Variants in CTNND2 observed in about 807,000 individuals in gnomAD.
CTNND2 encodes catenin delta 2.
Under a neutral mutation model 144.4 loss-of-function variants are expected in CTNND2, and 22 were observed. The ratio of observed to expected loss-of-function variants is 0.15; its 90% CI spans 0.11 to 0.22. CTNND2 has a LOEUF of 0.22. CTNND2 is among the 10% of genes least tolerant of loss of function. The pLI, the probability that CTNND2 is intolerant of heterozygous loss-of-function variation, is 1.00. For missense variants in CTNND2, 1,353 were observed against 1,618.8 expected (o/e 0.84, Z 2.82); for synonymous variants, 751 against 695.6 (o/e 1.08, Z -1.25).
chr5:11,810,483 AGT>A (rs10538056), intron 1 of CTNND2, among the ~76,000 whole-genome samples: 131,313 of 152,084 alleles, frequency 0.86, 58,919 homozygotes, highest in Non-Finnish European at 0.99. Flanking sequence ...GTGAAAATTA[AGT>A]GTGCATTGCA....
chr5:11,832,852 G>A (rs1793980221), intron 1 of CTNND2, among the ~76,000 whole-genome samples: 1 of 152,152 alleles, frequency 6.6e-6, no homozygotes, highest in South Asian at 2.1e-4. Context: ...GAGGCAGGAG[G>A]ACTGCTTGAG....
chr5:11,536,868 C>T (rs920433773), intron 3 of CTNND2, among the ~76,000 whole-genome samples: 1 of 151,874 alleles, frequency 6.6e-6, no homozygotes, highest in Non-Finnish European at 1.5e-5. Flanking sequence ...CCCTAGAAAC[C>T]TATTGAAATA....
chr5:11,733,811 T>C (rs896681497), intron 1 of CTNND2, among the ~76,000 whole-genome samples: 2 of 152,208 alleles, frequency 1.3e-5, no homozygotes, highest in South Asian at 2.1e-4. Context: ...TGGATGCATA[T>C]GTACAGGTTA....
At chr5:11,622,741 G>A (rs145283517) in intron 2 of CTNND2, among the ~76,000 whole-genome samples, 9 of 152,070 alleles carry the variant, frequency 5.9e-5, no homozygotes, top group African/African-American at 2.2e-4. Context: ...AATATATTCT[G>A]AAGTATTCAT....
chr5:11,708,940 T>C (rs746224914), intron 2 of CTNND2, among the ~76,000 whole-genome samples: 2 of 152,182 alleles, frequency 1.3e-5, no homozygotes, highest in Non-Finnish European at 2.9e-5. Flanking sequence ...CTGTCTCCTT[T>C]CACCTAACAT....
At chr5:11,494,017 A>C (rs1223757690) in intron 3 of CTNND2, among the ~76,000 whole-genome samples, 1 of 152,198 alleles carries the variant, frequency 6.6e-6, no homozygotes. Context: ...GTGATTAAAA[A>C]ATCTTTTTAT....
chr5:11,054,844 G>A (rs1580155735), intron 16 of CTNND2, among the ~76,000 whole-genome samples: 1 of 152,126 alleles, frequency 6.6e-6, no homozygotes, highest in Admixed American at 6.5e-5. Context: ...TTCCACGCTT[G>A]TGTTTATATA....
intron 16 of CTNND2, among the ~76,000 whole-genome samples, chr5:11,062,032 T>G (rs180703677): frequency 6.6e-6 from 1 of 152,268 alleles, no homozygotes; most frequent in Admixed American, 6.5e-5. Context: ...TTGAGACTAT[T>G]TTCACCACTA....
chr5:11,273,311 A>G (rs1307881044), intron 9 of CTNND2, among the ~76,000 whole-genome samples: 1 of 152,160 alleles, frequency 6.6e-6, no homozygotes, highest in Admixed American at 6.6e-5. Flanking sequence ...CTCAACCTCA[A>G]CACACCCTGA....
intron 9 of CTNND2, among the ~76,000 whole-genome samples, chr5:11,282,317 G>A (rs1222972070): frequency 4.6e-5 from 7 of 152,168 alleles, no homozygotes; most frequent in Admixed American, 2.6e-4. Flanking sequence ...AAATAATTAC[G>A]AGTTTTTAAG....
intron 11 of CTNND2, among the ~76,000 whole-genome samples, chr5:11,161,236 A>G (rs1407171865): frequency 6.6e-6 from 1 of 152,240 alleles, no homozygotes; most frequent in Admixed American, 6.5e-5. Flanking sequence ...CAGAGACTGT[A>G]CAGCCCACAA....
intron 3 of CTNND2, among the ~76,000 whole-genome samples, chr5:11,557,136 C>T (rs929019657): frequency 3.9e-5 from 6 of 152,068 alleles, no homozygotes; most frequent in Non-Finnish European, 7.4e-5. Flanking sequence ...AATAATTCAG[C>T]TTTTTGTAAT....
chr5:11,451,741 G>A lies in CTNND2; in HGVS notation c.288-39672C>T, dbSNP rs527553238. On this transcript the variant is annotated intron_variant, in intron 3 of 21. Transcript: ENST00000304623. ...TTCAATATTACTATTTACATAATTC[G>A]CACGTTCAAGATCTGTTTGCTAAAT... Among the ~76,000 whole-genome samples the A allele has an allele frequency of 6.6e-5, 10 of 152,132 alleles. No homozygotes were observed. In the South Asian group the frequency reaches 8.3e-4, roughly 13 times the overall value.
At chr5:11,483,699 T>C (rs577791065) in intron 3 of CTNND2, among the ~76,000 whole-genome samples, 1 of 152,212 alleles carries the variant, frequency 6.6e-6, no homozygotes, top group Non-Finnish European at 1.5e-5. Flanking sequence ...GGTTCAGTGA[T>C]GCATGTTTTT....
intron 1 of CTNND2, among the ~76,000 whole-genome samples, chr5:11,758,148 G>A (rs1241704554): frequency 2.6e-5 from 4 of 151,692 alleles, no homozygotes; most frequent in Admixed American, 6.6e-5. Flanking sequence ...TCACTTAGAC[G>A]GTAATTACTT....
At chr5:11,403,429 G>T (rs981251391) in intron 5 of CTNND2, among the ~76,000 whole-genome samples, 1 of 152,150 alleles carries the variant, frequency 6.6e-6, no homozygotes, top group Non-Finnish European at 1.5e-5. Context: ...TTACAATGGT[G>T]TAAAATGGAA....
At chr5:11,158,683 A>C (rs1270089721) in intron 12 of CTNND2, among the ~76,000 whole-genome samples, 4 of 152,146 alleles carry the variant, frequency 2.6e-5, no homozygotes, top group Non-Finnish European at 5.9e-5. Flanking sequence ...CTCAGTAGAG[A>C]CTGGTTGTTA....
Position 11,582,340 on chromosome 5 carries a change from G to T in CTNND2, c.175-17284C>A, listed in dbSNP as rs539520635. Among the ~76,000 whole-genome samples the T allele has an allele frequency of 3.3e-5, 5 of 152,310 alleles. 1 individual carries two copies. In the East Asian group the frequency reaches 7.7e-4, roughly 24 times the overall value. On this transcript the variant is annotated intron_variant, in intron 2 of 21. Transcript: ENST00000304623. ...ATGAAATGAAATAAAGTTCACATCA[G>T]AGTGGGACCTGATTCTATTCCATTG...
intron 2 of CTNND2, among the ~76,000 whole-genome samples, chr5:11,707,202 A>G (rs981350627): frequency 1.3e-5 from 2 of 152,126 alleles, no homozygotes; most frequent in Non-Finnish European, 2.9e-5. Context: ...ATGTATCAGT[A>G]ATTAGTTTTT....
Sources: gnomAD v4.1 joint callset for allele counts (sites outside exome capture counted in the v4.1 genomes callset) on GRCh38, gnomAD v4.1.1 for gene constraint, MANE v1.5 for transcripts, NCBI Gene and HGNC (gene_info 2026-07-23, HGNC 2026-07-21) for gene names.